The following NAALADL2 variants were observed in gnomAD, a reference collection of about 807,000 sequenced individuals.
NAALADL2 encodes the protein inactive N-acetylated-alpha-linked acidic dipeptidase-like protein 2.
A neutral mutation model predicts 87.2 loss-of-function variants in NAALADL2; 76 were observed. That is an observed-to-expected ratio of 0.87 (90% CI 0.72 to 1.05). The LOEUF (loss-of-function observed/expected upper bound fraction) is 1.05, where lower values mean the gene tolerates loss of function less well. NAALADL2 is among the 50% of genes least tolerant of loss of function. The pLI, the probability that NAALADL2 is intolerant of heterozygous loss-of-function variation, is 0.00. For missense variants in NAALADL2, 1,089 were observed against 945.8 expected (o/e 1.15, Z -1.99); for synonymous variants, 354 against 331.0 (o/e 1.07, Z -0.75).
intron 5 of NAALADL2, among the ~76,000 whole-genome samples, chr3:175,381,032 C>T (rs1369096598): frequency 6.6e-6 from 1 of 151,884 alleles, no homozygotes; most frequent in East Asian, 1.9e-4. Flanking sequence ...TTTAACATTA[C>T]ATAAAACACT....
chr3:174,688,769 A>G (rs568361), intron 2 of NAALADL2, among the ~76,000 whole-genome samples: 113,639 of 152,020 alleles, frequency 0.75, 42,663 homozygotes, highest in East Asian at 0.89. Context: ...ATAACTTATT[A>G]TATAAAGTCT....
chr3:174,825,844 G>A (rs1318063327), intron 3 of NAALADL2, among the ~76,000 whole-genome samples: 1 of 152,104 alleles, frequency 6.6e-6, no homozygotes, highest in East Asian at 1.9e-4. Flanking sequence ...TGGCTAACAC[G>A]GTGAAACCTC....
intron 2 of NAALADL2, among the ~76,000 whole-genome samples, chr3:174,729,275 G>A (rs758711970): frequency 3.9e-5 from 6 of 151,950 alleles, no homozygotes; most frequent in African/African-American, 7.2e-5. Context: ...AATAAAGTCT[G>A]TGCTTTACTA....
intron 2 of NAALADL2, among the ~76,000 whole-genome samples, chr3:175,212,521 A>G (rs1237946812): frequency 6.6e-6 from 1 of 152,030 alleles, no homozygotes; most frequent in Non-Finnish European, 1.5e-5. Flanking sequence ...ATCAGGAATC[A>G]GGAAAGACCA....
At chr3:174,464,243 CAT>C (rs1430001273) in intron 1 of NAALADL2, among the ~76,000 whole-genome samples, 1 of 152,098 alleles carries the variant, frequency 6.6e-6, no homozygotes, top group African/African-American at 2.4e-5. Flanking sequence ...AAATAATACA[CAT>C]GAGACTGCAG....
intron 2 of NAALADL2, among the ~76,000 whole-genome samples, chr3:174,640,934 T>A (rs930103877): frequency 1.3e-5 from 2 of 152,180 alleles, no homozygotes; most frequent in African/African-American, 4.8e-5. Flanking sequence ...ATGCCTGTTG[T>A]GCTCTTTCCC....
At chr3:175,750,863 ATCT>A (rs1026312407) in intron 12 of NAALADL2, among the ~76,000 whole-genome samples, 1 of 152,202 alleles carries the variant, frequency 6.6e-6, no homozygotes, top group Non-Finnish European at 1.5e-5. Context: ...TAAAAATTTA[ATCT>A]TCTATGTCTT....
chr3:175,453,497 G>T (rs144494430), intron 6 of NAALADL2, among the ~76,000 whole-genome samples: 1 of 152,080 alleles, frequency 6.6e-6, no homozygotes, highest in Non-Finnish European at 1.5e-5. Context: ...TCCACCAAAA[G>T]CTCTTTAGAG....
chr3:175,235,471 ATAT>A (rs962250255), intron 3 of NAALADL2: 6 of 152,216 alleles, frequency 3.9e-5, no homozygotes, highest in African/African-American at 1.4e-4. Flanking sequence ...GATTGGATTA[ATAT>A]TATGCTCTTT....
At chr3:175,777,316 CTA>C (rs1287214328) in intron 13 of NAALADL2, among the ~76,000 whole-genome samples, 1 of 151,864 alleles carries the variant, frequency 6.6e-6, no homozygotes, top group African/African-American at 2.4e-5. Flanking sequence ...TACTCAAGGG[CTA>C]TGTGATGTTA....
chr3:175,693,116 A>G (rs1737263272), intron 11 of NAALADL2, among the ~76,000 whole-genome samples: 1 of 152,158 alleles, frequency 6.6e-6, no homozygotes, highest in South Asian at 2.1e-4. Flanking sequence ...ACCCATTGCA[A>G]TAATGTACAG....
At chr3:174,808,234 T>TAAAA (rs1392865342) in intron 3 of NAALADL2, among the ~76,000 whole-genome samples, 38 of 152,094 alleles carry the variant, frequency 2.5e-4, no homozygotes, top group African/African-American at 9.2e-4. Context: ...AAAATATGAA[T>TAAAA]TCCTTTTTCA....
At chr3:174,558,360 G>C (rs1424466726) in intron 2 of NAALADL2, among the ~76,000 whole-genome samples, 1 of 152,070 alleles carries the variant, frequency 6.6e-6, no homozygotes, top group Admixed American at 6.6e-5. Flanking sequence ...GGGGGGGATG[G>C]TTTTAGGATG....
intron 2 of NAALADL2, among the ~76,000 whole-genome samples, chr3:174,642,387 G>C (rs1305900060): frequency 6.6e-6 from 1 of 151,576 alleles, no homozygotes; most frequent in African/African-American, 2.4e-5. Flanking sequence ...TGTAATCCCA[G>C]CTACTCGCGA....
chr3:174,666,655 C>A (rs1446936696), intron 2 of NAALADL2, among the ~76,000 whole-genome samples: 1 of 152,166 alleles, frequency 6.6e-6, no homozygotes. Context: ...CACTGCATAG[C>A]TACAGCCATC....
At chr3:175,654,081 A>G (rs1731137504) in intron 11 of NAALADL2, among the ~76,000 whole-genome samples, 1 of 152,156 alleles carries the variant, frequency 6.6e-6, no homozygotes, top group Non-Finnish European at 1.5e-5. Context: ...GGATTTTATC[A>G]TTTCCTTTCA....
chr3:174,484,894 A>G (rs552106292), intron 1 of NAALADL2, among the ~76,000 whole-genome samples: 145 of 151,818 alleles, frequency 9.6e-4, no homozygotes, highest in Non-Finnish European at 1.9e-3. Context: ...ATTATGGTAT[A>G]GCTCCTATAG....
chr3:175,128,860 A>C (rs541155074), intron 2 of NAALADL2, among the ~76,000 whole-genome samples: 3 of 152,194 alleles, frequency 2.0e-5, no homozygotes, highest in South Asian at 4.1e-4. Context: ...CTCACAAAAA[A>C]TGTATATATT....
At chr3:175,415,287 A>T (rs951680308) in intron 5 of NAALADL2, among the ~76,000 whole-genome samples, 10 of 151,640 alleles carry the variant, frequency 6.6e-5, no homozygotes, top group South Asian at 2.1e-4. Context: ...ATGAGCTTTT[A>T]AAAAAAAATT....
Sources: gnomAD v4.1 joint callset for allele counts (sites outside exome capture counted in the v4.1 genomes callset) on GRCh38, gnomAD v4.1.1 for gene constraint, MANE v1.5 for transcripts, NCBI Gene and HGNC (gene_info 2026-07-23, HGNC 2026-07-21) for gene names.